ITPR3: variants seen among roughly 807,000 people sequenced by gnomAD.
ITPR3 encodes inositol 1,4,5-trisphosphate receptor type 3, also known as inositol 1,4,5-trisphosphate-gated calcium channel ITPR3.
Under a neutral mutation model 293.2 loss-of-function variants are expected in ITPR3, and 173 were observed. The observed-to-expected ratio is 0.59, with a 90% CI of 0.52 to 0.67. The LOEUF is 0.67. ITPR3 is among the 30% of genes least tolerant of loss of function. ITPR3 has a pLI of 0.00. For missense variants in ITPR3, 2,796 were observed against 3,592.1 expected, an observed-to-expected ratio of 0.78 and a Z score of 5.66; for synonymous variants, 1,295 against 1,444.4, an observed-to-expected ratio of 0.90 and a Z score of 2.35.
chr6:33,634,524 C>G (rs1042582655), intron 1 of ITPR3, among the ~76,000 whole-genome samples: 3 of 152,214 alleles, frequency 2.0e-5, no homozygotes, highest in African/African-American at 7.2e-5. Context: ...GTCGTCTGCT[C>G]AGCTGCACAT....
intron 57 of ITPR3, 192 bp downstream of exon 57, chr6:33,695,277 C>T (rs1027904059): frequency 1.7e-5 from 11 of 641,970 alleles, no homozygotes; most frequent in Non-Finnish European, 1.8e-5. Context: ...TGCCTTGGGC[C>T]GCTAAAGACA....
chr6:33,641,243 T>C (rs1320055242), intron 2 of ITPR3, among the ~76,000 whole-genome samples: 1 of 152,208 alleles, frequency 6.6e-6, no homozygotes, highest in Non-Finnish European at 1.5e-5. Flanking sequence ...ATTGTTGTGC[T>C]TACCTGTGAG....
At chr6:33,688,606 G>T (rs373180858) in intron 48 of ITPR3, 50 bp from the exon 49 acceptor site, 1 of 1,609,836 alleles carries the variant, frequency 6.2e-7, no homozygotes, top group East Asian at 2.2e-5. Flanking sequence ...CAAGGGGCAG[G>T]GGGTGCTCAC....
Position 33,691,674 on chromosome 6 carries a change from A to G in ITPR3, c.7285A>G (p.Lys2429Glu). Residue 2429 changes from lysine (K) to glutamate (E), a missense_variant, in exon 53 of 58, where the codon AAG (lysine) becomes GAG (glutamate). Transcript: ENST00000605930. The surrounding 1 kb of genome is among the most constrained non-coding windows in gnomAD (Gnocchi z 4.9). ...AAFVDTCSGDKMDCVSGLSVP... is the reference protein window; with the variant it reads ...AAFVDTCSGDEMDCVSGLSVP... Reference sequence around the variant, plus strand: ...ATTTGTGGACACCTGCAGTGGGGACAAGATGGACTGTGTCTCAGGGCTCTC... The same window carrying G: ...ATTTGTGGACACCTGCAGTGGGGACGAGATGGACTGTGTCTCAGGGCTCTC... 2 of 1,613,906 alleles carry G rather than the reference A, an allele frequency of 1.2e-6. No homozygotes were observed. Among genetic ancestry groups the G allele is most frequent in the South Asian group, 1.1e-5 (1 of 91,054 alleles).
chr6:33,650,415 A>G (rs1764159884), intron 2 of ITPR3, among the ~76,000 whole-genome samples: 1 of 152,236 alleles, frequency 6.6e-6, no homozygotes, highest in African/African-American at 2.4e-5. Flanking sequence ...TAAGTTTCCA[A>G]GAAAGATACG....
At chr6:33,676,680 A>G (rs926711465) in intron 25 of ITPR3, 88 bp from the exon 26 acceptor site, 3 of 1,495,942 alleles carry the variant, frequency 2.0e-6, no homozygotes, top group Non-Finnish European at 2.7e-6. Flanking sequence ...ACAGGAGGGG[A>G]ACCCTAGAGT....
chr6:33,660,635 A>G (rs913680164), intron 7 of ITPR3, among the ~76,000 whole-genome samples: 4 of 152,178 alleles, frequency 2.6e-5, no homozygotes, highest in Admixed American at 1.3e-4. Context: ...CACTTAGGAA[A>G]TGAAGCATCT....
rs139781035 is a variant in ITPR3 at position 33,691,699 on chromosome 6, C to T, written c.7310C>T (p.Ser2437Leu). The change falls in exon 53 of 58, where the codon TCG (serine) becomes TTG (leucine). Residue 2437 changes from serine to leucine, a missense_variant. Transcript: ENST00000605930. The surrounding 1 kb of genome is among the most constrained non-coding windows in gnomAD (Gnocchi z 4.9). ...GDKMDCVSGL[S>L]VPEVLEEDRE... ...AAGATGGACTGTGTCTCAGGGCTCT[C>T]GGTGCCTGAGGTCCTGGAAGGTGAG... The T allele has an allele frequency of 6.3e-5, 101 of 1,613,986 alleles. No homozygotes were observed. The highest frequency in any genetic ancestry group is 1.7e-4 in the Middle Eastern group (1 of 6,060).
Position 33,684,630 on chromosome 6 carries a change from C to T in ITPR3, c.5079C>T (p.Asn1693=). 1 of 1,614,162 alleles carries T rather than the reference C, an allele frequency of 6.2e-7. No individual in the cohort carries two copies. The highest frequency in any genetic ancestry group is 1.1e-5 in the South Asian group (1 of 91,092). Reference sequence around the variant, plus strand: ...AGCTGCGCAAGATGCTGCTGCAAAACTACCTCCAGAACCGGAAGTCCACCT... The same window carrying T: ...AGCTGCGCAAGATGCTGCTGCAAAATTACCTCCAGAACCGGAAGTCCACCT... The part of the protein sequence containing the change: ...GNQLRKMLLQ[N]YLQNRKSTSR... Residue 1693 remains asparagine, a synonymous_variant, in exon 38 of 58, where the codon AAC becomes AAT. Coordinates refer to ENST00000605930, the MANE Select transcript of ITPR3 (RefSeq NM_002224.4). This position sits in a 1 kb window ranked among gnomAD's most constrained non-coding sequence, Gnocchi z 4.2.
At position 33,658,590 on chromosome 6, in the gene ITPR3, A is replaced by G; in HGVS notation, c.370-80A>G. 1.3e-6 allele frequency: 2 copies of G among 1,526,828 alleles called. No homozygotes were observed. Among genetic ancestry groups the G allele is most frequent in the Non-Finnish European group, 1.8e-6 (2 of 1,116,228 alleles). The allele number at this position is 1,526,828 out of a possible 1,614,324, so 94.6% of individuals were successfully genotyped here. Reference sequence around the variant, plus strand: ...GCAGCCAGAATGTGACCAAGGGTCTAGGGGATCCCCCCATATCCCCTCCCT... The same window carrying G: ...GCAGCCAGAATGTGACCAAGGGTCTGGGGGATCCCCCCATATCCCCTCCCT... On this transcript the variant is annotated intron_variant, in intron 4 of 57. Transcript: ENST00000605930. This position sits in a 1 kb window ranked among gnomAD's most constrained non-coding sequence, Gnocchi z 6.1.
chr6:33,693,867 C>T (rs979751656), intron 56 of ITPR3, among the ~76,000 whole-genome samples, 162 bp downstream of exon 56: 5 of 152,200 alleles, frequency 3.3e-5, no homozygotes, highest in African/African-American at 7.2e-5. Context: ...CAGAGGGGCT[C>T]GGACAGCTGC....
Position 33,683,696 on chromosome 6 carries a change from C to T in ITPR3, c.4788+299C>T, listed in dbSNP as rs1582158315. 6.6e-6 allele frequency among the ~76,000 whole-genome samples: 1 copy of T among 152,168 alleles called. No individual in the cohort carries two copies. Among genetic ancestry groups the T allele is most frequent in the South Asian group, 2.1e-4 (1 of 4,826 alleles). ...CTGCAGCGCCCTCCTGTCTATGCAG[C>T]ACATTTCTGTGCGCTGTCTCGTTGG... On this transcript the variant is annotated intron_variant, in intron 35 of 57. Transcript: ENST00000605930. The surrounding 1 kb of genome is among the most constrained non-coding windows in gnomAD (Gnocchi z 4.5).
rs1765096275 is a variant in ITPR3 at position 33,682,237 on chromosome 6, C to T, written c.4477-287C>T. Among the ~76,000 whole-genome samples, 1 of 152,214 alleles carries T rather than the reference C, an allele frequency of 6.6e-6. No homozygotes were observed. Among genetic ancestry groups the T allele is most frequent in the Admixed American group, 6.5e-5 (1 of 15,280 alleles). On this transcript the variant is annotated intron_variant, in intron 33 of 57. Coordinates refer to ENST00000605930, the MANE Select transcript of ITPR3 (RefSeq NM_002224.4). This position sits in a 1 kb window ranked among gnomAD's most constrained non-coding sequence, Gnocchi z 5.4. ...GTTTTTCAACCATGTAAATCCATCA[C>T]CTTTTTATGACATTAATTTTTTTAA... is the stretch of plus-strand genomic sequence containing the variant.
At chr6:33,622,617 A>C (rs1763465151) in intron 1 of ITPR3, among the ~76,000 whole-genome samples, 2 of 152,112 alleles carry the variant, frequency 1.3e-5, no homozygotes, top group Admixed American at 1.3e-4. Flanking sequence ...CCAACCACAC[A>C]TGGCTGTCCT....
chr6:33,668,595 T>C lies in ITPR3; in HGVS notation c.1967T>C (p.Val656Ala), dbSNP rs1764675450. ...ACCCAAGAGCTCATCTGCAAGTGTG[T>C]GCTGGACCCCAAGAACAGTGACATT... ...PVTQELICKC[V>A]LDPKNSDILI... The change falls in exon 17 of 58, where the codon GTG becomes GCG. Residue 656 changes from valine to alanine, a missense_variant. Physicochemically the swap from Val to Ala is moderately conservative, Grantham distance 64. Around this residue, in one of 8 missense-constraint regions of ITPR3, gnomAD observed 955 missense variants for 1,180.8 expected, o/e 0.81. Coordinates refer to ENST00000605930, the MANE Select transcript of ITPR3 (RefSeq NM_002224.4). The C allele has an allele frequency of 3.7e-6, 6 of 1,614,204 alleles. No homozygotes were observed. The highest frequency in any genetic ancestry group is 5.1e-6 in the Non-Finnish European group (6 of 1,180,032).
chr6:33,684,701 T>C lies in ITPR3; in HGVS notation c.5137+13T>C. 1 of 1,613,316 alleles carries C rather than the reference T, an allele frequency of 6.2e-7. No individual in the cohort carries two copies. Among genetic ancestry groups the C allele is most frequent in the Non-Finnish European group, 8.5e-7 (1 of 1,179,560 alleles). On this transcript the variant is annotated intron_variant, in intron 38 of 57. Coordinates refer to ENST00000605930, the MANE Select transcript of ITPR3 (RefSeq NM_002224.4). The surrounding 1 kb of genome is among the most constrained non-coding windows in gnomAD (Gnocchi z 4.2). ...CCCATAGGCACTGGTCAGTATCACC[T>C]TCCCCTGCCCCCGGGCCCTCCCTTC...
intron 33 of ITPR3, among the ~76,000 whole-genome samples, chr6:33,681,134 T>C (rs1214261894): frequency 1.3e-5 from 2 of 152,184 alleles, no homozygotes; most frequent in African/African-American, 4.8e-5. Flanking sequence ...ATATTAGTTA[T>C]CTATACCGTG....
chr6:33,688,337 T>C lies in ITPR3; in HGVS notation c.6474T>C (p.Thr2158=). Residue 2158 remains threonine, a synonymous_variant, in exon 48 of 58, where the codon ACT becomes ACC. Transcript: ENST00000605930. Reference sequence around the variant, plus strand: ...AAACCAAGCACCGGCTCTTCACCACTACTGAGCAGGACGAGCAGGGCAGCA... The same window carrying C: ...AAACCAAGCACCGGCTCTTCACCACCACTGAGCAGGACGAGCAGGGCAGCA... ...TEETKHRLFT[T]TEQDEQGSKV... 8 of 1,613,742 alleles carry C rather than the reference T, an allele frequency of 5.0e-6. No individual in the cohort carries two copies. The highest frequency in any genetic ancestry group is 6.8e-6 in the Non-Finnish European group (8 of 1,179,974).
chr6:33,695,840 A>G lies in ITPR3; in HGVS notation c.*60A>G. On this transcript the variant is annotated 3_prime_UTR_variant, in exon 58 of 58. Transcript: ENST00000605930. ...ATCACTGGAGACTGCGACTGGGAAG[A>G]ACACTGCCCCCTCCCTCGGGTTGGG... is the stretch of plus-strand genomic sequence containing the variant. 2 of 1,543,950 alleles carry G rather than the reference A, an allele frequency of 1.3e-6. No individual in the cohort carries two copies. The highest frequency in any genetic ancestry group is 2.2e-5 in the South Asian group (2 of 89,748).
Sources: allele counts gnomAD v4.1 joint callset (sites outside exome capture counted in the v4.1 genomes callset), GRCh38; gene constraint gnomAD v4.1.1; regional missense constraint gnomAD v4.1.1; non-coding constraint Gnocchi (gnomAD v3.1); transcripts MANE v1.5; gene names NCBI Gene and HGNC (gene_info 2026-07-23, HGNC 2026-07-21).